The following SNRNP48 variants were observed in gnomAD, a reference collection of about 807,000 sequenced individuals.
SNRNP48 encodes U11/U12 small nuclear ribonucleoprotein 48 kDa protein.
A neutral mutation model predicts 47.0 loss-of-function variants in SNRNP48; 43 were observed. The ratio of observed to expected loss-of-function variants is 0.92; its 90% CI spans 0.72 to 1.18. The LOEUF is 1.18. Among genes scored for constraint, SNRNP48 ranks in the 50% most tolerant of loss-of-function variants. The pLI is 0.00. For missense variants in SNRNP48, 396 were observed against 422.2 expected (o/e 0.94, Z 0.54); for synonymous variants, 138 against 144.0 (o/e 0.96, Z 0.30).
In SNRNP48 at chr6:7,602,046, G is replaced by A. The variant is rs543516102; in HGVS notation, c.595+522G>A. Among the ~76,000 whole-genome samples the A allele has an allele frequency of 4.6e-5, 7 of 152,162 alleles. No individual in the cohort carries two copies. The East Asian group carries it at 1.4e-3, about 29-fold the overall frequency. On this transcript the variant is annotated intron_variant, in intron 5 of 8. Coordinates refer to ENST00000342415, the MANE Select transcript of SNRNP48 (RefSeq NM_152551.4). ...TTTTTGTATTTTTAGTAGAGATGGG[G>A]TTTTGCTACGCTGGCCAGGCTGGTC...
At chr6:7,604,405 G>C (rs57985064) in intron 6 of SNRNP48, among the ~76,000 whole-genome samples, 11,680 of 152,208 alleles carry the variant, frequency 0.077, 1,493 homozygotes, top group African/African-American at 0.27. Context: ...TAGTAACCCA[G>C]GGTGGCTAGA....
chr6:7,604,791 A>G lies in SNRNP48; in HGVS notation c.718-607A>G, dbSNP rs570680885. On this transcript the variant is annotated intron_variant, in intron 6 of 8. Coordinates refer to ENST00000342415, the MANE Select transcript of SNRNP48 (RefSeq NM_152551.4). Reference sequence around the variant, plus strand: ...AAAGTTTCTTTATAGAGTCATTCAGAAAGTATCTGTGAAGTGACTGTATGT... The same window carrying G: ...AAAGTTTCTTTATAGAGTCATTCAGGAAGTATCTGTGAAGTGACTGTATGT... Among the ~76,000 whole-genome samples the G allele has an allele frequency of 2.3e-4, 35 of 152,322 alleles. No individual in the cohort carries two copies. In the South Asian group the frequency reaches 7.0e-3, roughly 31 times the overall value.
In SNRNP48 at chr6:7,590,294, CG is replaced by C. The variant is rs767140394; in HGVS notation, c.39del (p.Leu14CysfsTer5). On this transcript the variant is annotated frameshift_variant, in exon 1 of 9. Transcript: ENST00000342415. LOFTEE classifies it high-confidence loss of function. ...GCCTCCACCTGTGGAGGAGCGGCGGCGGCTGCAGGAGGAGCTGAACGAGTTC... is the reference window on the plus strand; with the variant it reads ...GCCTCCACCTGTGGAGGAGCGGCGGCGCTGCAGGAGGAGCTGAACGAGTTC... ...GEPPPVEERR[R>X]LQEELNEFVE... is the part of the protein sequence containing the mutation. 6 of 1,372,408 alleles carry C rather than the reference CG, an allele frequency of 4.4e-6. No individual in the cohort carries two copies. The South Asian group carries it at 1.2e-4, about 28-fold the overall frequency. 85.0% of individuals were successfully genotyped at this position (1,372,408 alleles called of 1,614,324 possible).
chr6:7,599,661 T>C (rs1759976342), intron 4 of SNRNP48: 3 of 1,278,774 alleles, frequency 2.3e-6, no homozygotes, highest in Non-Finnish European at 3.1e-6. Flanking sequence ...TCCTGTACTT[T>C]TTCTTTTTCA....
chr6:7,598,455 A>T (rs1759948700), intron 4 of SNRNP48, among the ~76,000 whole-genome samples: 1 of 152,094 alleles, frequency 6.6e-6, no homozygotes, highest in Non-Finnish European at 1.5e-5. Flanking sequence ...AGATGGCGCC[A>T]CTGCACTCCA....
In SNRNP48 at chr6:7,593,697, T is replaced by A. The variant is rs114965804; in HGVS notation, c.157-37T>A. 1.8e-3 allele frequency: 2,273 copies of A among 1,248,528 alleles called. 38 individuals are homozygous for A. In the African/African-American group the frequency reaches 0.029, roughly 16 times the overall value. 77.3% of individuals were successfully genotyped at this position (1,248,528 alleles called of 1,614,324 possible). A position where few individuals can be genotyped will look rare whatever the true frequency, so the allele number is the denominator to read the frequency against. ...ATGGTAATTATTTATTTAAATATTA[T>A]GTACCTATTTTCTTTGTTTCTGTTT... is the stretch of plus-strand genomic sequence containing the variant. On this transcript the variant is annotated intron_variant, in intron 1 of 8. Coordinates refer to ENST00000342415, the MANE Select transcript of SNRNP48 (RefSeq NM_152551.4).
chr6:7,611,493 A>G lies in SNRNP48; in HGVS notation c.*2620A>G, dbSNP rs1304431025. On this transcript the variant is annotated 3_prime_UTR_variant, in exon 9 of 9. Coordinates refer to ENST00000342415, the MANE Select transcript of SNRNP48 (RefSeq NM_152551.4). ...AGTCACTTTAATTGAGATATTGGCA[A>G]GTCAACTGCCATGCAGAGCCCAGGG... 1 of 152,198 alleles carries G rather than the reference A, an allele frequency of 6.6e-6. No homozygotes were observed. The highest frequency in any genetic ancestry group is 1.9e-4 in the East Asian group (1 of 5,204). The allele number at this position is 152,198 out of a possible 1,614,324, so 9.4% of individuals were successfully genotyped here.
intron 4 of SNRNP48, chr6:7,599,879 A>G: frequency 9.8e-7 from 1 of 1,017,112 alleles, no homozygotes; most frequent in Non-Finnish European, 1.2e-6. Flanking sequence ...AAGAAATTTA[A>G]GATGAATAAA....
chr6:7,593,926 A>G (rs1450314555), intron 2 of SNRNP48, 79 bp downstream of exon 2: 7 of 1,171,772 alleles, frequency 6.0e-6, no homozygotes, highest in Non-Finnish European at 8.4e-6. Context: ...GGAAGTTACA[A>G]TGTGAGGTTC....
rs770326425 is a variant in SNRNP48 at position 7,590,344 on chromosome 6, G to A, written c.87G>A (p.Leu29=). The A allele has an allele frequency of 7.1e-7, 1 of 1,399,004 alleles. No individual in the cohort carries two copies. Among genetic ancestry groups the A allele is most frequent in the South Asian group, 1.8e-5 (1 of 55,950 alleles). 86.7% of individuals were successfully genotyped at this position (1,399,004 alleles called of 1,614,324 possible). A position where few individuals can be genotyped will look rare whatever the true frequency, so the allele number is the denominator to read the frequency against. Reference sequence around the variant, plus strand: ...TCGTGGAGAGCGGCTGCCGGACGTTGGAGGAGGTGACCGCGTCCCTGGGCT... The same window carrying A: ...TCGTGGAGAGCGGCTGCCGGACGTTAGAGGAGGTGACCGCGTCCCTGGGCT... The part of the protein sequence containing the change: ...NEFVESGCRT[L]EEVTASLGWD... The change falls in exon 1 of 9, where the codon TTG becomes TTA. Residue 29 remains leucine (L), a synonymous_variant. Coordinates refer to ENST00000342415, the MANE Select transcript of SNRNP48 (RefSeq NM_152551.4).
intron 4 of SNRNP48, among the ~76,000 whole-genome samples, chr6:7,599,049 C>T (rs955412778): frequency 6.6e-6 from 1 of 152,092 alleles, no homozygotes; most frequent in African/African-American, 2.4e-5. Flanking sequence ...AAAAAGACAG[C>T]ATAGGATGGG....
Position 7,611,953 on chromosome 6 carries a change from C to T in SNRNP48, c.*3080C>T, listed in dbSNP as rs962346629. The T allele has an allele frequency of 6.6e-6, 1 of 152,172 alleles. No homozygotes were observed. The highest frequency in any genetic ancestry group is 2.4e-5 in the African/African-American group (1 of 41,446). 9.4% of individuals were successfully genotyped at this position (152,172 alleles called of 1,614,324 possible). On this transcript the variant is annotated 3_prime_UTR_variant, in exon 9 of 9. Transcript: ENST00000342415. The stretch of plus-strand genomic sequence containing the variant: ...AGGTGTGTGAATTATTAAACTAACG[C>T]TCTTTTAAACCACACTTGTTTTATT...
intron 8 of SNRNP48, among the ~76,000 whole-genome samples, chr6:7,606,680 C>T (rs532814660): frequency 1.3e-5 from 2 of 152,170 alleles, no homozygotes; most frequent in South Asian, 2.1e-4. Context: ...GAATTAATAC[C>T]GAATTAGTAA....
rs1353077855 is a variant in SNRNP48 at position 7,610,158 on chromosome 6, A to G, written c.*1285A>G. ...TGGCATGAAATGTTAAGCATCCGAC[A>G]TCTAAATAGCAATATTTTGAATACT... On this transcript the variant is annotated 3_prime_UTR_variant, in exon 9 of 9. Coordinates refer to ENST00000342415, the MANE Select transcript of SNRNP48 (RefSeq NM_152551.4). 6.6e-6 allele frequency: 1 copy of G among 152,240 alleles called. No individual in the cohort carries two copies. Among genetic ancestry groups the G allele is most frequent in the African/African-American group, 2.4e-5 (1 of 41,464 alleles). The allele number at this position is 152,240 out of a possible 1,614,324, so 9.4% of individuals were successfully genotyped here. A position where few individuals can be genotyped will look rare whatever the true frequency, so the allele number is the denominator to read the frequency against.
intron 4 of SNRNP48, among the ~76,000 whole-genome samples, chr6:7,595,324 G>T (rs1160395248): frequency 6.6e-6 from 1 of 152,056 alleles, no homozygotes; most frequent in Non-Finnish European, 1.5e-5. Context: ...TTAGCTAGGG[G>T]TTCATCCTTT....
Position 7,595,054 on chromosome 6 carries a change from A to T in SNRNP48, c.359A>T (p.Lys120Ile). 1 of 1,600,024 alleles carries T rather than the reference A, an allele frequency of 6.2e-7. No individual in the cohort carries two copies. The highest frequency in any genetic ancestry group is 8.5e-7 in the Non-Finnish European group (1 of 1,175,618). The change falls in exon 4 of 9, where the codon AAA becomes ATA. Residue 120 changes from lysine (K) to isoleucine (I), a missense_variant. By Grantham distance (102) the Lys-to-Ile change is moderately radical. Transcript: ENST00000342415. ...AAGGACTCACAATTCCAGATAATTA[A>T]ACAAGCTAGAACTGCAGTTGGGAAA... is the stretch of plus-strand genomic sequence containing the variant. ...LNKDSQFQIIKQARTAVGKDS... is the reference protein window; with the variant it reads ...LNKDSQFQIIIQARTAVGKDS...
At position 7,605,470 on chromosome 6, in the gene SNRNP48, G is replaced by T; in HGVS notation, c.790G>T (p.Glu264Ter). 6.2e-7 allele frequency: 1 copy of T among 1,614,024 alleles called. No homozygotes were observed. The highest frequency in any genetic ancestry group is 8.5e-7 in the Non-Finnish European group (1 of 1,179,930). ...NHWQEEQEKA[E>*]DDAEKNEERR... ...TTGGCAAGAAGAGCAAGAGAAGGCA[G>T]AGGATGATGCCGAAAAGTACGTCAT... The change falls in exon 7 of 9, where the codon GAG (glutamate) becomes TAG (stop). Residue 264 changes from glutamate to a stop codon, truncating the protein, a stop_gained. Transcript: ENST00000342415. LOFTEE classifies it high-confidence loss of function.
chr6:7,606,209 T>C lies in SNRNP48; in HGVS notation c.971+14T>C. On this transcript the variant is annotated intron_variant, in intron 8 of 8. Transcript: ENST00000342415. The stretch of plus-strand genomic sequence containing the variant: ...AAGGAAAGAGAGGTGGGTCTAACCC[T>C]GCATCATCCAACGTTGAATTCTGTA... 6.3e-7 allele frequency: 1 copy of C among 1,589,632 alleles called. No individual in the cohort carries two copies. The highest frequency in any genetic ancestry group is 8.5e-7 in the Non-Finnish European group (1 of 1,172,294).
intron 8 of SNRNP48, among the ~76,000 whole-genome samples, chr6:7,608,487 A>G (rs1007826001): frequency 4.6e-5 from 7 of 152,026 alleles, no homozygotes; most frequent in Admixed American, 1.3e-4. Context: ...CCGGGAGGCG[A>G]AGGTTGCAGT....
Sources: gnomAD v4.1 joint callset for allele counts (sites outside exome capture counted in the v4.1 genomes callset) on GRCh38, gnomAD v4.1.1 for gene constraint, MANE v1.5 for transcripts, NCBI Gene and HGNC (gene_info 2026-07-23, HGNC 2026-07-21) for gene names.